Variants in NRCAM observed in about 807,000 individuals in gnomAD.
NRCAM encodes neuronal cell adhesion molecule, also known as NgCAM-related cell adhesion molecule.
Under a neutral mutation model 156.5 loss-of-function variants are expected in NRCAM, and 83 were observed. The observed-to-expected ratio is 0.53, with a 90% CI of 0.44 to 0.64. The LOEUF (loss-of-function observed/expected upper bound fraction) is 0.64. Among genes scored for constraint, NRCAM ranks in the 30% least tolerant of loss-of-function variants. The pLI is 0.00. For missense variants in NRCAM, 1,417 were observed against 1,597.3 expected, an observed-to-expected ratio of 0.89 and a Z score of 1.92; for synonymous variants, 538 against 563.9, an observed-to-expected ratio of 0.95 and a Z score of 0.65.
chr7:108,181,989 A>T, intron 23 of NRCAM, 52 bp from the exon 24 acceptor site: 1 of 1,332,382 alleles, frequency 7.5e-7, no homozygotes, highest in Non-Finnish European at 1.1e-6. Context: ...TTTTAATTTC[A>T]TCCATAAATA....
At chr7:108,185,735 G>GAAAAAA (rs34028548) in intron 20 of NRCAM, among the ~76,000 whole-genome samples, 1 of 128,490 alleles carries the variant, frequency 7.8e-6, no homozygotes, top group Admixed American at 8.2e-5. Context: ...AGAGAGAGAG[G>GAAAAAA]AAAAAAAAAA....
intron 3 of NRCAM, among the ~76,000 whole-genome samples, chr7:108,279,505 G>GT (rs113721532): frequency 0.011 from 1,725 of 150,700 alleles, 21 homozygotes; most frequent in Non-Finnish European, 0.013. Context: ...ATGCAACACT[G>GT]TTTTTTTTTG....
intron 1 of NRCAM, among the ~76,000 whole-genome samples, chr7:108,419,618 G>C (rs1341761212): frequency 6.6e-6 from 1 of 152,168 alleles, no homozygotes; most frequent in East Asian, 1.9e-4. Flanking sequence ...AAAAGTGGGA[G>C]CTCACCCAGG....
intron 3 of NRCAM, among the ~76,000 whole-genome samples, chr7:108,309,633 G>T (rs1240122669): frequency 1.3e-5 from 2 of 152,148 alleles, no homozygotes; most frequent in Non-Finnish European, 2.9e-5. Flanking sequence ...AAGGCAGGCA[G>T]ATCACTTGAG....
rs1327346105 is a variant in NRCAM at position 108,149,536 on chromosome 7, A to G, written c.*374T>C. On this transcript the variant is annotated 3_prime_UTR_variant, in exon 33 of 33. Coordinates refer to ENST00000379028, the MANE Select transcript of NRCAM (RefSeq NM_001037132.4). ...TAGGGGTTCAGCTGAGGGTAGTATAAACAAAGTATCAAACCATGTTTTCAT... is the reference window on the plus strand; with the variant it reads ...TAGGGGTTCAGCTGAGGGTAGTATAGACAAAGTATCAAACCATGTTTTCAT... 1 of 195,394 alleles carries G rather than the reference A, an allele frequency of 5.1e-6. No individual in the cohort carries two copies. Among genetic ancestry groups the G allele is most frequent in the East Asian group, 1.4e-4 (1 of 7,344 alleles). 12.1% of individuals were successfully genotyped at this position (195,394 alleles called of 1,614,324 possible).
intron 3 of NRCAM, among the ~76,000 whole-genome samples, chr7:108,266,021 C>A (rs945079343): frequency 6.6e-6 from 1 of 152,184 alleles, no homozygotes; most frequent in African/African-American, 2.4e-5. Flanking sequence ...CTTCCCCCAC[C>A]TATGAACTGA....
At chr7:108,240,294 T>C (rs962332626) in intron 3 of NRCAM, 124 bp from the exon 4 acceptor site, 4 of 342,242 alleles carry the variant, frequency 1.2e-5, no homozygotes, top group African/African-American at 8.6e-5. Context: ...AAAGTTAACT[T>C]TTAAATATTT....
intron 2 of NRCAM, among the ~76,000 whole-genome samples, chr7:108,379,748 T>C (rs2099692715): frequency 6.6e-6 from 1 of 152,204 alleles, no homozygotes; most frequent in African/African-American, 2.4e-5. Context: ...CAAATTTTTT[T>C]AACTCAATAT....
intron 1 of NRCAM, among the ~76,000 whole-genome samples, chr7:108,403,352 G>T (rs990982039): frequency 1.3e-5 from 2 of 151,956 alleles, no homozygotes; most frequent in African/African-American, 4.8e-5. Flanking sequence ...AGTTAGACAA[G>T]AACACTATCT....
At chr7:108,250,270 C>T (rs2096250652) in intron 3 of NRCAM, among the ~76,000 whole-genome samples, 1 of 151,706 alleles carries the variant, frequency 6.6e-6, no homozygotes, top group Admixed American at 6.6e-5. Context: ...ACAAAAAATA[C>T]ACAAAATAAG....
intron 2 of NRCAM, among the ~76,000 whole-genome samples, chr7:108,358,135 T>C (rs2099519601): frequency 6.6e-6 from 1 of 151,110 alleles, no homozygotes; most frequent in African/African-American, 2.4e-5. Context: ...GCTGGCTAGC[T>C]GGCGGCTCAC....
rs918533719 is a variant in NRCAM at position 108,433,885 on chromosome 7, A to G, written c.-332+22358T>C. Among the ~76,000 whole-genome samples, 10 of 152,346 alleles carry G rather than the reference A, an allele frequency of 6.6e-5. No individual in the cohort carries two copies. In the East Asian group the frequency reaches 1.7e-3, roughly 26 times the overall value. ...CACAAAATGGACTAGAACATCATGT[A>G]TGTGTTTCAAATGTATTCCTAGGCC... On this transcript the variant is annotated intron_variant, in intron 1 of 32. Coordinates refer to ENST00000379028, the MANE Select transcript of NRCAM (RefSeq NM_001037132.4).
At chr7:108,421,234 G>A (rs1809303543) in intron 1 of NRCAM, among the ~76,000 whole-genome samples, 1 of 152,200 alleles carries the variant, frequency 6.6e-6, no homozygotes, top group Admixed American at 6.5e-5. Flanking sequence ...GTTAGATGGA[G>A]TGGAATAGGC....
At chr7:108,191,941 T>C (rs1214526455) in intron 17 of NRCAM, 88 bp from the exon 18 acceptor site, 3 of 1,444,412 alleles carry the variant, frequency 2.1e-6, no homozygotes, top group Admixed American at 4.1e-5. Flanking sequence ...AACTGTAAAT[T>C]TGATAAAGGA....
intron 1 of NRCAM, among the ~76,000 whole-genome samples, chr7:108,420,729 GA>G (rs1329560016): frequency 6.6e-6 from 1 of 152,170 alleles, no homozygotes; most frequent in Non-Finnish European, 1.5e-5. Context: ...AGGCTTTACT[GA>G]ATCTCCCAAG....
At chr7:108,188,027 A>C (rs438272) in intron 20 of NRCAM, among the ~76,000 whole-genome samples, 107,304 of 151,978 alleles carry the variant, frequency 0.71, 39,135 homozygotes, top group East Asian at 0.96. Flanking sequence ...GAAGCAAGGA[A>C]GCCTGAAGGA....
At chr7:108,184,800 CAT>C (rs2065693979) in intron 20 of NRCAM, among the ~76,000 whole-genome samples, 186 bp from the exon 21 acceptor site, 1 of 152,112 alleles carries the variant, frequency 6.6e-6, no homozygotes, top group African/African-American at 2.4e-5. Context: ...TATAAACACA[CAT>C]GATAACATTT....
intron 2 of NRCAM, among the ~76,000 whole-genome samples, chr7:108,341,988 G>C (rs1293005787): frequency 6.6e-6 from 1 of 152,148 alleles, no homozygotes; most frequent in African/African-American, 2.4e-5. Context: ...GCCTTTTTCT[G>C]CATCCCTGTA....
chr7:108,264,216 T>C (rs2096997635), intron 3 of NRCAM, among the ~76,000 whole-genome samples: 1 of 152,224 alleles, frequency 6.6e-6, no homozygotes, highest in African/African-American at 2.4e-5. Flanking sequence ...CCTCAAATGA[T>C]CTGCCCGCTT....
Sources: allele counts gnomAD v4.1 joint callset (sites outside exome capture counted in the v4.1 genomes callset), GRCh38; gene constraint gnomAD v4.1.1; transcripts MANE v1.5; gene names NCBI Gene and HGNC (gene_info 2026-07-23, HGNC 2026-07-21).